The following NPSR1 variants were observed in gnomAD, a reference collection of about 807,000 sequenced individuals.
The protein encoded by NPSR1 is neuropeptide S receptor 1, also known as neuropeptide S receptor.
A neutral mutation model predicts 46.9 loss-of-function variants in NPSR1; 48 were observed. That is an observed-to-expected ratio of 1.02 (90% confidence interval 0.81 to 1.30). NPSR1 has a LOEUF of 1.30. Among genes scored for constraint, NPSR1 ranks in the 50% most tolerant of loss-of-function variants. NPSR1 has a pLI of 0.00. For synonymous variants in NPSR1, 176 were observed against 168.1 expected, an observed-to-expected ratio of 1.05 and a Z score of -0.36; for missense variants, 450 against 449.5, an observed-to-expected ratio of 1.00 and a Z score of -0.01.
intron 1 of NPSR1, among the ~76,000 whole-genome samples, chr7:34,678,415 T>C (rs77551019): frequency 0.018 from 2,762 of 152,126 alleles, 34 homozygotes; most frequent in Middle Eastern, 0.031. Flanking sequence ...AGAAATTGCT[T>C]TAAGGCATTA....
chr7:34,876,458 T>G (rs1791576127), intron 8 of NPSR1, among the ~76,000 whole-genome samples: 1 of 152,192 alleles, frequency 6.6e-6, no homozygotes. Flanking sequence ...GAATTCTAAT[T>G]CAGAAAGAAC....
chr7:34,675,832 A>G (rs1210951677), intron 1 of NPSR1, among the ~76,000 whole-genome samples: 1 of 152,274 alleles, frequency 6.6e-6, no homozygotes, highest in Non-Finnish European at 1.5e-5. Flanking sequence ...TGTGCCAGCA[A>G]CCATGTAATT....
chr7:34,849,445 G>A (rs766605233), intron 8 of NPSR1, 120 bp from the exon 9 acceptor site: 1 of 1,596,304 alleles, frequency 6.3e-7, no homozygotes, highest in Admixed American at 1.7e-5. Flanking sequence ...CATGTAAAGT[G>A]CCTGGCACAG....
chr7:34,854,039 A>T (rs1463244935), downstream of NPSR1, among the ~76,000 whole-genome samples: 1 of 152,222 alleles, frequency 6.6e-6, no homozygotes, highest in African/African-American at 2.4e-5. Flanking sequence ...GAGGCAATTA[A>T]ATGTAGTTAG....
intron 3 of NPSR1, among the ~76,000 whole-genome samples, chr7:34,806,029 C>T (rs1347761636): frequency 1.3e-5 from 2 of 151,924 alleles, no homozygotes; most frequent in Non-Finnish European, 2.9e-5. Flanking sequence ...ACTGAAAATA[C>T]CAATGGCTGA....
chr7:34,779,685 GAA>G, intron 3 of NPSR1: 2 of 706,620 alleles, frequency 2.8e-6, no homozygotes, highest in Non-Finnish European at 3.9e-6. Flanking sequence ...TTTCTCAGGG[GAA>G]ATTTTTAAAA....
At chr7:34,873,479 A>C (rs892825115) in intron 8 of NPSR1, among the ~76,000 whole-genome samples, 4 of 151,808 alleles carry the variant, frequency 2.6e-5, no homozygotes, top group African/African-American at 9.7e-5. Context: ...TACATGAAGC[A>C]TGGTGCTGGC....
intron 6 of NPSR1, among the ~76,000 whole-genome samples, chr7:34,843,137 C>T (rs1009249659): frequency 1.3e-5 from 2 of 152,216 alleles, no homozygotes; most frequent in African/African-American, 2.4e-5. Context: ...GGTCTCTCCT[C>T]TGTCCACAGT....
At chr7:34,776,824 C>T (rs185998532) in intron 2 of NPSR1, among the ~76,000 whole-genome samples, 1 of 152,256 alleles carries the variant, frequency 6.6e-6, no homozygotes, top group East Asian at 1.9e-4. Context: ...GCAGTAGTTT[C>T]CCTTCTGGCC....
At chr7:34,790,965 TTA>T (rs1470360283) in intron 3 of NPSR1, among the ~76,000 whole-genome samples, 5 of 93,802 alleles carry the variant, frequency 5.3e-5, no homozygotes, top group African/African-American at 1.3e-4. Flanking sequence ...ATATGTTATA[TTA>T]TATATGTTAT....
intron 1 of NPSR1, among the ~76,000 whole-genome samples, chr7:34,666,281 A>C (rs1454331469): frequency 6.6e-6 from 1 of 152,210 alleles, no homozygotes; most frequent in Non-Finnish European, 1.5e-5. Context: ...AAAAGAGAAC[A>C]GGTTTCTGTA....
intron 3 of NPSR1, among the ~76,000 whole-genome samples, chr7:34,792,700 C>CATATATATATTTATATATATAT (rs1554331534): frequency 3.2e-4 from 27 of 83,168 alleles, no homozygotes; most frequent in African/African-American, 1.0e-3. Flanking sequence ...TATATATATA[C>CATATATATATTTATATATATAT]GTATATATAT....
chr7:34,852,171 G>A (rs6950134), downstream of NPSR1, among the ~76,000 whole-genome samples: 27,243 of 151,966 alleles, frequency 0.18, 2,736 homozygotes, highest in Non-Finnish European at 0.24. Context: ...ATGGTGGCTG[G>A]CGCCTGTAGT....
chr7:34,857,554 AG>A (rs990322077), intron 8 of NPSR1, among the ~76,000 whole-genome samples: 5 of 151,762 alleles, frequency 3.3e-5, no homozygotes, highest in African/African-American at 9.7e-5. Flanking sequence ...TTTATGTGGG[AG>A]AAAATTTACT....
chr7:34,794,136 G>T lies in NPSR1; in HGVS notation c.384+15571G>T, dbSNP rs150481205. 4.5e-3 allele frequency among the ~76,000 whole-genome samples: 679 copies of T among 151,956 alleles called. 9 individuals carry two copies. The highest frequency in any genetic ancestry group is 0.036 in the South Asian group (171 of 4,794). ...CAATGTTAAAGTTAAATAGAGGAACGGGTTCTAGTGTTCTATTGCACATCA... is the reference window on the plus strand; with the variant it reads ...CAATGTTAAAGTTAAATAGAGGAACTGGTTCTAGTGTTCTATTGCACATCA... On this transcript the variant is annotated intron_variant, in intron 3 of 8. Transcript: ENST00000360581.
At chr7:34,707,559 A>C (rs1196601616) in intron 2 of NPSR1, among the ~76,000 whole-genome samples, 1 of 152,250 alleles carries the variant, frequency 6.6e-6, no homozygotes, top group East Asian at 1.9e-4. Context: ...AAACAGTATT[A>C]ACCACTTACT....
At chr7:34,768,631 G>A (rs1238202258) in intron 2 of NPSR1, among the ~76,000 whole-genome samples, 1 of 152,144 alleles carries the variant, frequency 6.6e-6, no homozygotes, top group Non-Finnish European at 1.5e-5. Flanking sequence ...TTCACAATAT[G>A]TAAGAATTTG....
At chr7:34,798,429 G>A (rs770498462) in intron 3 of NPSR1, among the ~76,000 whole-genome samples, 3 of 152,086 alleles carry the variant, frequency 2.0e-5, no homozygotes, top group Non-Finnish European at 4.4e-5. Context: ...CAGCTACTCG[G>A]GAGGCTGAAG....
intron 6 of NPSR1, 103 bp from the exon 7 acceptor site, chr7:34,844,793 A>G (rs2128763721): frequency 2.5e-6 from 2 of 797,912 alleles, no homozygotes; most frequent in Non-Finnish European, 4.5e-6. Context: ...TGCACAGGAT[A>G]TAAGTGAAAA....
Sources: gnomAD v4.1 joint callset for allele counts (sites outside exome capture counted in the v4.1 genomes callset) on GRCh38, gnomAD v4.1.1 for gene constraint, MANE v1.5 for transcripts, NCBI Gene and HGNC (gene_info 2026-07-23, HGNC 2026-07-21) for gene names.